MALRD1: variants seen among roughly 807,000 people sequenced by gnomAD.
MALRD1 encodes MAM and LDL-receptor class A domain-containing protein 1.
Under a neutral mutation model 242.1 loss-of-function variants are expected in MALRD1, and 247 were observed. That is an observed-to-expected ratio of 1.02 (90% CI 0.92 to 1.13). The LOEUF (loss-of-function observed/expected upper bound fraction) is 1.13, where lower values mean the gene tolerates loss of function less well. Ranked by LOEUF, MALRD1 falls within the 50% of genes most tolerant of loss-of-function variation. The pLI is 0.00. For missense variants in MALRD1, 2,989 were observed against 2,533.1 expected, an observed-to-expected ratio of 1.18 and a Z score of -3.86; for synonymous variants, 995 against 866.6, an observed-to-expected ratio of 1.15 and a Z score of -2.60.
intron 18 of MALRD1, among the ~76,000 whole-genome samples, chr10:19,244,018 G>T (rs1838927426): frequency 6.6e-6 from 1 of 152,076 alleles, no homozygotes; most frequent in African/African-American, 2.4e-5. Context: ...TCCTATCCTT[G>T]AAATTAGCCA....
intron 13 of MALRD1, among the ~76,000 whole-genome samples, chr10:19,166,468 A>T (rs1834691279): frequency 6.6e-6 from 1 of 152,118 alleles, no homozygotes; most frequent in Non-Finnish European, 1.5e-5. Context: ...GTTAATGGTT[A>T]AAAAATGTAG....
chr10:19,533,878 C>A (rs537966492), intron 32 of MALRD1, among the ~76,000 whole-genome samples: 1 of 152,272 alleles, frequency 6.6e-6, no homozygotes, highest in African/African-American at 2.4e-5. Context: ...TTTACCACGT[C>A]CGTGGGTGAC....
chr10:19,306,024 A>G (rs1842161943), intron 21 of MALRD1, among the ~76,000 whole-genome samples: 1 of 110,702 alleles, frequency 9.0e-6, no homozygotes, highest in South Asian at 2.5e-4. Flanking sequence ...TATTATATAT[A>G]CTATACTATA....
At chr10:19,611,357 T>C (rs1263260917) in intron 35 of MALRD1, among the ~76,000 whole-genome samples, 1 of 151,934 alleles carries the variant, frequency 6.6e-6, no homozygotes, top group Non-Finnish European at 1.5e-5. Flanking sequence ...GGGGGAAAAA[T>C]GAAGGCTTAC....
chr10:19,127,234 C>G (rs1387891704), intron 7 of MALRD1, among the ~76,000 whole-genome samples: 1 of 152,104 alleles, frequency 6.6e-6, no homozygotes, highest in African/African-American at 2.4e-5. Context: ...GATTAATAGA[C>G]TTTACTTTTT....
chr10:19,269,664 T>C (rs1053132937), intron 19 of MALRD1, among the ~76,000 whole-genome samples: 2 of 151,882 alleles, frequency 1.3e-5, no homozygotes, highest in South Asian at 2.1e-4. Context: ...CCACCACCAA[T>C]TGCAAAGTTC....
At chr10:19,575,907 A>G (rs1029244620) in intron 33 of MALRD1, among the ~76,000 whole-genome samples, 4 of 152,158 alleles carry the variant, frequency 2.6e-5, no homozygotes, top group Admixed American at 6.5e-5. Context: ...CAACTCCCAA[A>G]TTAGTCCTCT....
chr10:19,595,644 C>T (rs146368279), intron 34 of MALRD1, among the ~76,000 whole-genome samples, 187 bp downstream of exon 34: 281 of 152,236 alleles, frequency 1.8e-3, no homozygotes, highest in African/African-American at 6.5e-3. Context: ...AGCAACACCC[C>T]GTTTGTGGTC....
At position 19,389,474 on chromosome 10, in the gene MALRD1, T is replaced by C. The variant is rs760692953; in HGVS notation, c.4710T>C (p.Ala1570=). The change falls in exon 28 of 40, where the codon GCT becomes GCC. Residue 1570 remains alanine, a synonymous_variant. Coordinates refer to ENST00000454679, the MANE Select transcript of MALRD1 (RefSeq NM_001142308.3). ...NENGHFMYLE[A]TAVGLRGDKA... is the part of the protein sequence containing the mutation. ...TAGGGCACTTCATGTATCTGGAAGC[T>C]ACTGCAGTGGGCCTTCGGGGTGACA... The C allele has an allele frequency of 6.4e-7, 1 of 1,550,622 alleles. No homozygotes were observed.
At chr10:19,598,025 A>C (rs772295871) in intron 34 of MALRD1, among the ~76,000 whole-genome samples, 5 of 152,168 alleles carry the variant, frequency 3.3e-5, no homozygotes, top group African/African-American at 4.8e-5. Context: ...AGCAGGACCC[A>C]GATCTTGCAG....
chr10:19,593,965 T>C (rs998839289), intron 33 of MALRD1, among the ~76,000 whole-genome samples: 1 of 152,200 alleles, frequency 6.6e-6, no homozygotes, highest in African/African-American at 2.4e-5. Context: ...CTTTGACCTG[T>C]AACCAAGATT....
chr10:19,149,531 G>A (rs1272576216), intron 11 of MALRD1, among the ~76,000 whole-genome samples: 1 of 151,880 alleles, frequency 6.6e-6, no homozygotes, highest in Non-Finnish European at 1.5e-5. Context: ...ATATATAGTA[G>A]ATACATACAT....
chr10:19,561,276 G>A (rs1387599743), intron 32 of MALRD1, among the ~76,000 whole-genome samples: 1 of 152,100 alleles, frequency 6.6e-6, no homozygotes, highest in Non-Finnish European at 1.5e-5. Context: ...TTCTGTGTGA[G>A]CTTGAGAAGA....
At chr10:19,313,690 G>C (rs1459616047) in intron 21 of MALRD1, among the ~76,000 whole-genome samples, 1 of 151,480 alleles carries the variant, frequency 6.6e-6, no homozygotes, top group Non-Finnish European at 1.5e-5. Flanking sequence ...GACTCTTAGA[G>C]TCCTATTTGA....
chr10:19,279,899 A>G (rs1020523752), intron 19 of MALRD1, 148 bp from the exon 20 acceptor site: 3 of 520,420 alleles, frequency 5.8e-6, no homozygotes, highest in Non-Finnish European at 9.3e-6. Flanking sequence ...AAGAACCTCG[A>G]TTTTATTTTA....
chr10:19,351,963 A>T, intron 25 of MALRD1, 43 bp from the exon 26 acceptor site: 1 of 1,418,472 alleles, frequency 7.0e-7, no homozygotes, highest in South Asian at 1.3e-5. Flanking sequence ...CATATTAATT[A>T]TACTAATCAT....
At chr10:19,506,482 A>G (rs1314058907) in intron 31 of MALRD1, among the ~76,000 whole-genome samples, 3 of 152,100 alleles carry the variant, frequency 2.0e-5, no homozygotes, top group Admixed American at 6.6e-5. Context: ...CACCTGTAGG[A>G]GGCATTGATT....
intron 31 of MALRD1, among the ~76,000 whole-genome samples, chr10:19,524,972 C>T (rs1834037853): frequency 6.6e-6 from 1 of 151,840 alleles, no homozygotes; most frequent in Non-Finnish European, 1.5e-5. Context: ...GGCATAATCT[C>T]GGCTTACTGC....
chr10:19,521,234 A>G (rs1429051780), intron 31 of MALRD1, among the ~76,000 whole-genome samples: 1 of 151,968 alleles, frequency 6.6e-6, no homozygotes, highest in African/African-American at 2.4e-5. Flanking sequence ...TTATTTACAG[A>G]CTCTATTTCC....
Sources: gnomAD v4.1 joint callset for allele counts (sites outside exome capture counted in the v4.1 genomes callset) on GRCh38, gnomAD v4.1.1 for gene constraint, MANE v1.5 for transcripts, NCBI Gene and HGNC (gene_info 2026-07-23, HGNC 2026-07-21) for gene names.